The following KRI1 variants were observed in gnomAD, a reference collection of about 807,000 sequenced individuals.
KRI1 encodes the protein KRI1 homolog.
KRI1 carries 83 observed loss-of-function variants against 97.0 expected under a neutral mutation model. That is an observed-to-expected ratio of 0.86 (90% CI 0.72 to 1.03). The LOEUF is 1.03. Among genes scored for constraint, KRI1 ranks in the 50% least tolerant of loss-of-function variants. KRI1 has a pLI of 0.00. For missense variants in KRI1, 916 were observed against 928.4 expected (o/e 0.99, Z 0.17); for synonymous variants, 371 against 363.5 (o/e 1.02, Z -0.23).
At chr19:10,564,598 G>A (rs1916803626) in intron 3 of KRI1, among the ~76,000 whole-genome samples, 1 of 152,176 alleles carries the variant, frequency 6.6e-6, no homozygotes, top group Non-Finnish European at 1.5e-5. Flanking sequence ...GCCTGGTGGA[G>A]TTGGAATCAT....
chr19:10,556,037 AG>A (rs1916492549), intron 16 of KRI1, among the ~76,000 whole-genome samples: 2 of 152,194 alleles, frequency 1.3e-5, no homozygotes, highest in Non-Finnish European at 2.9e-5. Flanking sequence ...CAGCCAAGCC[AG>A]GGCTTGAACC....
chr19:10,554,321 G>A (rs779001725), intron 18 of KRI1, 40 bp from the exon 19 acceptor site: 3 of 1,546,568 alleles, frequency 1.9e-6, no homozygotes, highest in Non-Finnish European at 2.7e-6. Flanking sequence ...GGCCTGTCAA[G>A]ATCAGGCCCA....
chr19:10,561,545 G>T, intron 6 of KRI1, 122 bp downstream of exon 6: 1 of 1,008,134 alleles, frequency 9.9e-7, no homozygotes, highest in Non-Finnish European at 1.6e-6. Flanking sequence ...TATTAACCCC[G>T]TTTAACTGAT....
chr19:10,565,517 G>A, intron 2 of KRI1, 200 bp downstream of exon 2: 1 of 649,580 alleles, frequency 1.5e-6, no homozygotes, highest in Non-Finnish European at 2.5e-6. Flanking sequence ...GATCGTGGCA[G>A]GGGAGAGAAA....
At chr19:10,560,034 TC>T (rs1916645237) in intron 9 of KRI1, 98 bp from the exon 10 acceptor site, 1 of 1,435,626 alleles carries the variant, frequency 7.0e-7, no homozygotes, top group Non-Finnish European at 9.4e-7. Flanking sequence ...ACTCATTTAA[TC>T]CTCACAAGAA....
At position 10,554,124 on chromosome 19, in the gene KRI1, G is replaced by A. The variant is rs764595373; in HGVS notation, c.1939C>T (p.Gln647Ter). 6.2e-7 allele frequency: 1 copy of A among 1,614,164 alleles called. No individual in the cohort carries two copies. Among genetic ancestry groups the A allele is most frequent in the Non-Finnish European group, 8.5e-7 (1 of 1,180,036 alleles). ...PVSPHKKPAPQKRRRAKKARL... is the reference protein window; with the variant it reads ...PVSPHKKPAP ...GCCTTCTTGGCCCTCCTCCGCTTCT[G>A]GGGGGCTGGCTTCTTGTGGGGTGAT... The change falls in exon 19 of 19, where the codon CAG becomes TAG. Residue 647 changes from glutamine (Q) to a stop codon, truncating the protein, a stop_gained. Transcript: ENST00000312962. LOFTEE classifies it high-confidence loss of function.
intron 9 of KRI1, 51 bp downstream of exon 9, chr19:10,560,261 C>A: frequency 6.5e-7 from 1 of 1,537,570 alleles, no homozygotes; most frequent in Non-Finnish European, 8.8e-7. Flanking sequence ...CCTGGGAATA[C>A]TTCATGAAGC....
chr19:10,562,645 T>C lies in KRI1; in HGVS notation c.383+84A>G, dbSNP rs570359883. ...ACCATGCCCGGCCCAGGCTGCCAGC[T>C]TTTTTCCCTCTCCTGCCCCTAAGAC... On this transcript the variant is annotated intron_variant, in intron 4 of 18. Transcript: ENST00000312962. 1.1e-5 allele frequency: 9 copies of C among 806,072 alleles called. No homozygotes were observed. In the African/African-American group the frequency reaches 1.2e-4, roughly 11 times the overall value. The allele number at this position is 806,072 out of a possible 1,614,324, so 49.9% of individuals were successfully genotyped here.
chr19:10,561,457 G>A (rs553717961), intron 6 of KRI1, among the ~76,000 whole-genome samples, 192 bp from the exon 7 acceptor site: 1 of 152,206 alleles, frequency 6.6e-6, no homozygotes, highest in Admixed American at 6.5e-5. Context: ...ACCTCACCTG[G>A]CTGGCTGCCC....
chr19:10,563,270 G>T (rs983982756), intron 3 of KRI1, among the ~76,000 whole-genome samples: 8 of 151,664 alleles, frequency 5.3e-5, no homozygotes, highest in African/African-American at 1.9e-4. Flanking sequence ...TGGTCAGGTT[G>T]GTCTCGAACT....
chr19:10,561,692 C>G lies in KRI1; in HGVS notation c.463G>C (p.Glu155Gln), dbSNP rs780363765. 3.1e-5 allele frequency: 50 copies of G among 1,613,918 alleles called. No individual in the cohort carries two copies. The highest frequency in any genetic ancestry group is 3.1e-5 in the Non-Finnish European group (36 of 1,179,992). ...CTTTCCTTGAGCTGTTTCTGTTCCT[C>G]CACATAACTTTGCGACGATGTCTCC... ...LQETSSQSYV[E>Q]EQKQLKESFR... Residue 155 changes from glutamate to glutamine, a missense_variant, in exon 6 of 19, where the codon GAG becomes CAG. Around this residue, in one of 3 missense-constraint regions of KRI1, gnomAD observed 71 missense variants for 108.1 expected, o/e 0.66. Transcript: ENST00000312962.
At chr19:10,554,476 TTG>T (rs1407574430) in intron 18 of KRI1, among the ~76,000 whole-genome samples, 195 bp from the exon 19 acceptor site, 1 of 152,134 alleles carries the variant, frequency 6.6e-6, no homozygotes, top group Non-Finnish European at 1.5e-5. Flanking sequence ...AAAGACTAGA[TTG>T]TGAGGCTGAG....
In KRI1 at chr19:10,562,577, A is replaced by G. The variant is rs1916733582; in HGVS notation, c.383+152T>C. 9.7e-6 allele frequency: 6 copies of G among 617,692 alleles called. No individual in the cohort carries two copies. The East Asian group carries it at 1.3e-4, about 13-fold the overall frequency. The allele number at this position is 617,692 out of a possible 1,614,324, so 38.3% of individuals were successfully genotyped here. On this transcript the variant is annotated intron_variant, in intron 4 of 18. Coordinates refer to ENST00000312962, the MANE Select transcript of KRI1 (RefSeq NM_023008.5). Reference sequence around the variant, plus strand: ...CAAACTTCTGTCCTCAAGCGATCCTATTGCCTCAGCCTACCAAAGTGCTGG... The same window carrying G: ...CAAACTTCTGTCCTCAAGCGATCCTGTTGCCTCAGCCTACCAAAGTGCTGG...
Position 10,559,379 on chromosome 19 carries a change from G to T in KRI1, c.1174C>A (p.Gln392Lys). 6.2e-7 allele frequency: 1 copy of T among 1,614,022 alleles called. No individual in the cohort carries two copies. The change falls in exon 12 of 19, where the codon CAG (glutamine) becomes AAG (lysine). Residue 392 changes from glutamine (Q) to lysine (K), a missense_variant. Physicochemically the swap from Gln to Lys is moderately conservative, Grantham distance 53 (BLOSUM62 1). Around this residue, in one of 3 missense-constraint regions of KRI1, gnomAD observed 672 missense variants for 667.2 expected, o/e 1.01. Coordinates refer to ENST00000312962, the MANE Select transcript of KRI1 (RefSeq NM_023008.5). ...CGCACCTGCATGAGCTGGTCGTGCT[G>T]GGCAGGGTCGAAGTCGTCTTCAAGG... is the stretch of plus-strand genomic sequence containing the variant. ...GDLEDDFDPA[Q>K]HDQLMQKCFG...
rs775424957 is a variant in KRI1 at position 10,554,043 on chromosome 19, GTC to G, written c.2018_2019del (p.Arg673ThrfsTer72). On this transcript the variant is annotated frameshift_variant, in exon 19 of 19. Coordinates refer to ENST00000312962, the MANE Select transcript of KRI1 (RefSeq NM_023008.5). LOFTEE classifies it high-confidence loss of function. Reference sequence around the variant, plus strand: ...TTGGGGTTGAGGCCAAAGGCCTGCAGTCTCTGGCGGCTGAACTCGCATCCACC... The same window carrying G: ...TTGGGGTTGAGGCCAAAGGCCTGCAGTCTGGCGGCTGAACTCGCATCCACC... ...MLGGCEFSRQ[R>X]LQAFGLNPKR... The G allele has an allele frequency of 3.7e-6, 6 of 1,614,212 alleles. No individual in the cohort carries two copies. The highest frequency in any genetic ancestry group is 2.7e-5 in the African/African-American group (2 of 75,064).
Position 10,554,152 on chromosome 19 carries a change from A to C in KRI1, c.1911T>G (p.Pro637=). Residue 637 remains proline, a synonymous_variant, in exon 19 of 19, where the codon CCT becomes CCG. Coordinates refer to ENST00000312962, the MANE Select transcript of KRI1 (RefSeq NM_023008.5). The stretch of plus-strand genomic sequence containing the variant: ...GGGCTGGCTTCTTGTGGGGTGATAC[A>C]GGGGCTTCCTCTTCCTGTGCTGGGG... ...ESPPAQEEEA[P]VSPHKKPAPQ... is the part of the protein sequence containing the mutation. 1 of 1,613,968 alleles carries C rather than the reference A, an allele frequency of 6.2e-7. No individual in the cohort carries two copies. Among genetic ancestry groups the C allele is most frequent in the Non-Finnish European group, 8.5e-7 (1 of 1,179,986 alleles).
intron 1 of KRI1, 48 bp from the exon 2 acceptor site, chr19:10,565,838 C>T (rs1916856403): frequency 6.5e-7 from 1 of 1,542,522 alleles, no homozygotes; most frequent in Admixed American, 2.0e-5. Flanking sequence ...CCGGCGGGGC[C>T]ACTCGACTCC....
rs776642722 is a variant in KRI1, at chr19:10,559,578, T to TG, written c.1023+34dup. ...GAGGGCATGGGCTTTCCTCCAGGGC[T>TG]GGGGGGTCCTCCCCAGCTCACCCCC... On this transcript the variant is annotated intron_variant, in intron 11 of 18. Coordinates refer to ENST00000312962, the MANE Select transcript of KRI1 (RefSeq NM_023008.5). 1.5e-5 allele frequency: 24 copies of TG among 1,613,750 alleles called. No individual in the cohort carries two copies. In the African/African-American group the frequency reaches 2.3e-4, roughly 15 times the overall value.
chr19:10,558,635 C>T lies in KRI1; in HGVS notation c.1195-396G>A, dbSNP rs187101427. 3.7e-3 allele frequency among the ~76,000 whole-genome samples: 556 copies of T among 152,248 alleles called. 2 individuals carry two copies. Among genetic ancestry groups the T allele is most frequent in the African/African-American group, 0.013 (523 of 41,546 alleles). ...TCGGCTCACTGCAACCCTTGCCTCCCGGTTTCAAGCGATTCTCCTGCCTCA... is the reference window on the plus strand; with the variant it reads ...TCGGCTCACTGCAACCCTTGCCTCCTGGTTTCAAGCGATTCTCCTGCCTCA... On this transcript the variant is annotated intron_variant, in intron 12 of 18. Coordinates refer to ENST00000312962, the MANE Select transcript of KRI1 (RefSeq NM_023008.5).
Sources: allele counts gnomAD v4.1 joint callset (sites outside exome capture counted in the v4.1 genomes callset), GRCh38; gene constraint gnomAD v4.1.1; regional missense constraint gnomAD v4.1.1; transcripts MANE v1.5; gene names NCBI Gene and HGNC (gene_info 2026-07-23, HGNC 2026-07-21).